TBC1D14: variants seen among roughly 807,000 people sequenced by gnomAD.
The protein encoded by TBC1D14 is TBC1 domain family member 14, also known as TBC1 domain family, member 14.
TBC1D14 carries 26 observed loss-of-function variants against 79.0 expected under a neutral mutation model. The ratio of observed to expected loss-of-function variants is 0.33; its 90% CI spans 0.24 to 0.46. The LOEUF (loss-of-function observed/expected upper bound fraction) is 0.46, where lower values mean the gene tolerates loss of function less well. TBC1D14 is among the 20% of genes least tolerant of loss of function. TBC1D14 has a pLI of 1.00. For missense variants in TBC1D14, 769 were observed against 887.6 expected, an observed-to-expected ratio of 0.87 and a Z score of 1.70; for synonymous variants, 394 against 349.9, an observed-to-expected ratio of 1.13 and a Z score of -1.40.
chr4:7,023,036 A>G (rs752672471), intron 12 of TBC1D14, among the ~76,000 whole-genome samples: 1 of 152,136 alleles, frequency 6.6e-6, no homozygotes, highest in Non-Finnish European at 1.5e-5. Flanking sequence ...TAGGTGAATC[A>G]CGAGGTCAGG....
intron 2 of TBC1D14, among the ~76,000 whole-genome samples, chr4:6,956,825 C>T (rs751550680): frequency 1.3e-5 from 2 of 152,258 alleles, no homozygotes; most frequent in African/African-American, 4.8e-5. Context: ...TGGCCGGGCT[C>T]AGGTGTGGGG....
Position 7,009,874 on chromosome 4 carries a change from T to C in TBC1D14, c.1447-3T>C, listed in dbSNP as rs761648759. The C allele has an allele frequency of 6.2e-7, 1 of 1,614,210 alleles. No homozygotes were observed. Among genetic ancestry groups the C allele is most frequent in the Admixed American group, 1.7e-5 (1 of 60,022 alleles). On this transcript the variant is annotated splice_region_variant and splice_polypyrimidine_tract_variant and intron_variant, in intron 9 of 13. Coordinates refer to ENST00000409757, the MANE Select transcript of TBC1D14 (RefSeq NM_020773.3). ...GTTGTTTTTGCTGTGTTGATCCTTT[T>C]AGGGTGGTCCATATCATGACATGTT...
chr4:7,004,249 C>T (rs1199327858), intron 7 of TBC1D14, among the ~76,000 whole-genome samples: 1 of 152,236 alleles, frequency 6.6e-6, no homozygotes, highest in African/African-American at 2.4e-5. Context: ...GATTTGGAGG[C>T]TGTCATGATC....
chr4:6,950,687 AT>A (rs151261724), intron 2 of TBC1D14, among the ~76,000 whole-genome samples: 12,536 of 152,196 alleles, frequency 0.082, 584 homozygotes, highest in African/African-American at 0.12. Flanking sequence ...TTGATAACTT[AT>A]GTTTTCTCCT....
At chr4:6,988,024 T>G (rs1194013746) in intron 3 of TBC1D14, among the ~76,000 whole-genome samples, 2 of 152,218 alleles carry the variant, frequency 1.3e-5, no homozygotes, top group Non-Finnish European at 2.9e-5. Context: ...ATGTTCTCAG[T>G]GGCTTTACTT....
chr4:7,000,439 A>G (rs1719545480), intron 6 of TBC1D14, among the ~76,000 whole-genome samples: 1 of 152,162 alleles, frequency 6.6e-6, no homozygotes, highest in Non-Finnish European at 1.5e-5. Context: ...AGGAGAGATC[A>G]TTTGTCCGGA....
chr4:6,922,775 C>T (rs1179271512), intron 1 of TBC1D14, among the ~76,000 whole-genome samples: 1 of 152,278 alleles, frequency 6.6e-6, no homozygotes, highest in African/African-American at 2.4e-5. Context: ...AAGCCCAGTC[C>T]TCACGCTCCT....
chr4:6,971,181 C>CAACAGTAG, intron 3 of TBC1D14, among the ~76,000 whole-genome samples: 1 of 152,368 alleles, frequency 6.6e-6, no homozygotes, highest in African/African-American at 2.4e-5. Flanking sequence ...CACTTTTTGT[C>CAACAGTAG]TCTGTTGAGC....
chr4:6,923,508 T>A lies in TBC1D14; in HGVS notation c.119T>A (p.Leu40His), dbSNP rs144858395. The change falls in exon 2 of 14, where the codon CTC (leucine) becomes CAC (histidine). Residue 40 changes from leucine (L) to histidine (H), a missense_variant. Physicochemically the swap from Leu to His is moderately conservative, Grantham distance 99 (BLOSUM62 -3). This residue lies in a region of TBC1D14 where 402 missense variants were observed against 393.2 expected (regional missense o/e 1.02). Transcript: ENST00000409757. ...LQHVNLKAPRLLSAPEYGPKL... is the reference protein window; with the variant it reads ...LQHVNLKAPRHLSAPEYGPKL... Reference sequence around the variant, plus strand: ...CACGTCAATCTCAAGGCGCCCCGACTCCTCTCCGCGCCTGAGTACGGGCCC... The same window carrying A: ...CACGTCAATCTCAAGGCGCCCCGACACCTCTCCGCGCCTGAGTACGGGCCC... 66 of 1,614,072 alleles carry A rather than the reference T, an allele frequency of 4.1e-5. No homozygotes were observed. The African/African-American group carries it at 8.4e-4, about 21-fold the overall frequency.
intron 2 of TBC1D14, among the ~76,000 whole-genome samples, chr4:6,961,454 AT>A (rs1184240222): frequency 6.6e-6 from 1 of 151,940 alleles, no homozygotes; most frequent in Non-Finnish European, 1.5e-5. Context: ...GTAGGGAAGA[AT>A]TTCTCTGCAG....
chr4:6,944,154 C>A (rs147027206), intron 2 of TBC1D14, among the ~76,000 whole-genome samples: 32 of 152,278 alleles, frequency 2.1e-4, no homozygotes, highest in Admixed American at 2.0e-4. Flanking sequence ...CTTTTTAACA[C>A]CTACCCCTGA....
chr4:7,027,789 T>C (rs531019281), intron 13 of TBC1D14, among the ~76,000 whole-genome samples: 1 of 109,796 alleles, frequency 9.1e-6, no homozygotes, highest in African/African-American at 3.6e-5. Context: ...CCATACACAA[T>C]CACCCCCTAC....
At chr4:7,002,178 G>C (rs1038156551) in intron 7 of TBC1D14, among the ~76,000 whole-genome samples, 3 of 152,208 alleles carry the variant, frequency 2.0e-5, no homozygotes, top group African/African-American at 7.2e-5. Flanking sequence ...CTTCTGTGCG[G>C]TGTGGTCCTA....
intron 2 of TBC1D14, among the ~76,000 whole-genome samples, chr4:6,943,074 C>G (rs1222884315): frequency 6.6e-6 from 1 of 152,188 alleles, no homozygotes; most frequent in East Asian, 1.9e-4. Context: ...CGTCCTGTGG[C>G]CCCATCGTTT....
intron 1 of TBC1D14, 155 bp downstream of exon 1, chr4:6,910,106 G>A (rs1012669421): frequency 6.0e-5 from 9 of 150,354 alleles, no homozygotes; most frequent in African/African-American, 2.2e-4. Flanking sequence ...CTCGCCGCGC[G>A]GCCGCGGCTC....
chr4:6,977,472 A>C (rs928981330), intron 3 of TBC1D14, among the ~76,000 whole-genome samples: 1 of 144,772 alleles, frequency 6.9e-6, no homozygotes, highest in African/African-American at 2.5e-5. Flanking sequence ...GGCTCGCTAC[A>C]ACCTCCACCT....
At chr4:7,025,318 T>G in intron 13 of TBC1D14, 56 bp downstream of exon 13, 1 of 1,601,838 alleles carries the variant, frequency 6.2e-7, no homozygotes, top group African/African-American at 1.3e-5. Context: ...GTGGCGCGAC[T>G]CAGGAAGGCC....
At chr4:7,009,190 T>A (rs1720507160) in intron 9 of TBC1D14, among the ~76,000 whole-genome samples, 1 of 152,230 alleles carries the variant, frequency 6.6e-6, no homozygotes, top group South Asian at 2.1e-4. Context: ...AGTAAGTGTT[T>A]GGGACTGAAC....
intron 3 of TBC1D14, among the ~76,000 whole-genome samples, chr4:6,972,859 A>G (rs1003193990): frequency 2.0e-5 from 3 of 152,226 alleles, no homozygotes; most frequent in Non-Finnish European, 4.4e-5. Flanking sequence ...TTTAAAAAGT[A>G]AAAGTGATGC....
Sources: gnomAD v4.1 joint callset for allele counts (sites outside exome capture counted in the v4.1 genomes callset) on GRCh38, gnomAD v4.1.1 for gene constraint, gnomAD v4.1.1 regional missense constraint, MANE v1.5 for transcripts, NCBI Gene and HGNC (gene_info 2026-07-23, HGNC 2026-07-21) for gene names.